NEMP1: variants seen among roughly 807,000 people sequenced by gnomAD.
The protein encoded by NEMP1 is nuclear envelope integral membrane protein 1.
A neutral mutation model predicts 53.7 loss-of-function variants in NEMP1; 29 were observed. That is an observed-to-expected ratio of 0.54 (90% CI 0.40 to 0.74). The LOEUF (loss-of-function observed/expected upper bound fraction) is 0.74. Ranked by LOEUF, NEMP1 falls within the 30% of genes least tolerant of loss-of-function variation. The pLI, the probability that NEMP1 is intolerant of heterozygous loss-of-function variation, is 0.00. For missense variants in NEMP1, 477 were observed against 528.6 expected, an observed-to-expected ratio of 0.90 and a Z score of 0.96; for synonymous variants, 193 against 192.9, an observed-to-expected ratio of 1.00 and a Z score of 0.00.
At chr12:57,067,516 G>C (rs2032148121) in intron 4 of NEMP1, among the ~76,000 whole-genome samples, 1 of 152,134 alleles carries the variant, frequency 6.6e-6, no homozygotes, top group Non-Finnish European at 1.5e-5. Flanking sequence ...ATGCTGTTGG[G>C]AAAACGGTGT....
intron 1 of NEMP1, among the ~76,000 whole-genome samples, chr12:57,073,161 AT>A (rs1202743038): frequency 0.035 from 4,920 of 142,166 alleles, 81 homozygotes; most frequent in Middle Eastern, 0.088. Context: ...TTAAGTATCT[AT>A]TTTTTTTTTT....
chr12:57,086,955 G>C (rs1160779711), intron 1 of NEMP1, among the ~76,000 whole-genome samples: 1 of 152,176 alleles, frequency 6.6e-6, no homozygotes, highest in Non-Finnish European at 1.5e-5. Flanking sequence ...CGAATCTCAC[G>C]ACAATCTTGA....
intron 6 of NEMP1, among the ~76,000 whole-genome samples, chr12:57,063,669 G>A (rs978633176): frequency 1.3e-5 from 2 of 152,058 alleles, no homozygotes; most frequent in Non-Finnish European, 2.9e-5. Flanking sequence ...ATATGACCAA[G>A]GATTTTTACT....
rs537704827 is a variant in NEMP1, at chr12:57,056,003, T to C, written c.*3876A>G. The C allele has an allele frequency of 4.6e-5, 7 of 152,344 alleles. No homozygotes were observed. In the South Asian group the frequency reaches 1.4e-3, roughly 32 times the overall value. 9.4% of individuals were successfully genotyped at this position (152,344 alleles called of 1,614,324 possible). A position where few individuals can be genotyped will look rare whatever the true frequency, so the allele number is the denominator to read the frequency against. On this transcript the variant is annotated 3_prime_UTR_variant, in exon 9 of 9. Transcript: ENST00000300128. ...TTGTCATAAGAATGTGCTCATGCTATAGGCAAATTCAGAGGTGATTTCACC... is the reference window on the plus strand; with the variant it reads ...TTGTCATAAGAATGTGCTCATGCTACAGGCAAATTCAGAGGTGATTTCACC...
chr12:57,078,490 T>A, intron 1 of NEMP1, 129 bp downstream of exon 1: 3 of 1,313,822 alleles, frequency 2.3e-6, no homozygotes, highest in Non-Finnish European at 3.1e-6. Flanking sequence ...TCCACCACAC[T>A]ACGCCGGCGG....
intron 1 of NEMP1, among the ~76,000 whole-genome samples, chr12:57,077,380 C>A (rs1281467467): frequency 6.6e-6 from 1 of 150,866 alleles, no homozygotes; most frequent in East Asian, 2.0e-4. Context: ...CAAGTGTAAT[C>A]CCAGCTACTC....
intron 4 of NEMP1, 117 bp from the exon 5 acceptor site, chr12:57,064,856 C>T (rs144970894): frequency 5.8e-6 from 4 of 683,950 alleles, no homozygotes; most frequent in East Asian, 2.7e-5. Flanking sequence ...TAGAGCAGTA[C>T]AAGCATCAGA....
intron 7 of NEMP1, 122 bp from the exon 8 acceptor site, chr12:57,061,067 C>G: frequency 1.1e-6 from 1 of 944,712 alleles, no homozygotes. Flanking sequence ...GTCATCACTC[C>G]TAAAAATTCC....
At position 57,078,672 on chromosome 12, in the gene NEMP1, C is replaced by T. The variant is rs544200706; in HGVS notation, c.74G>A (p.Gly25Asp). Residue 25 changes from glycine to aspartate, a missense_variant, in exon 1 of 9, where the codon GGT (glycine) becomes GAT (aspartate). Coordinates refer to ENST00000300128, the MANE Select transcript of NEMP1 (RefSeq NM_001130963.2). The stretch of plus-strand genomic sequence containing the variant: ...GATCAAGAGTAGCCGCACTGTCCCA[C>T]CGCCCCCGACTCCCGAGCCCCAGGG... ...PGPWGSGVGG[G>D]GTVRLLLILS... is the part of the protein sequence containing the mutation. 14 of 1,613,314 alleles carry T rather than the reference C, an allele frequency of 8.7e-6. No individual in the cohort carries two copies. The highest frequency in any genetic ancestry group is 1.2e-5 in the Non-Finnish European group (14 of 1,179,676).
chr12:57,087,209 G>C (rs1473256839), intron 1 of NEMP1, among the ~76,000 whole-genome samples: 1 of 152,236 alleles, frequency 6.6e-6, no homozygotes, highest in African/African-American at 2.4e-5. Flanking sequence ...GCGCCCAGTA[G>C]GTTGCCGCTC....
Position 57,058,675 on chromosome 12 carries a change from C to G in NEMP1, c.*1204G>C, listed in dbSNP as rs2031648280. ...TGACAGCTGAATGAGCACCCAGAGG[C>G]ATGAAGATAACCTGGAGCCTATTTC... On this transcript the variant is annotated 3_prime_UTR_variant, in exon 9 of 9. Transcript: ENST00000300128. 1 of 152,212 alleles carries G rather than the reference C, an allele frequency of 6.6e-6. No homozygotes were observed. Among genetic ancestry groups the G allele is most frequent in the Non-Finnish European group, 1.5e-5 (1 of 68,044 alleles). 9.4% of individuals were successfully genotyped at this position (152,212 alleles called of 1,614,324 possible).
At chr12:57,075,034 A>G (rs185936727) in intron 1 of NEMP1, among the ~76,000 whole-genome samples, 160 of 151,860 alleles carry the variant, frequency 1.1e-3, no homozygotes, top group African/African-American at 3.3e-3. Flanking sequence ...GACTGCAGTG[A>G]GCCGAGATCG....
At chr12:57,087,187 C>G (rs1344557135) in intron 1 of NEMP1, among the ~76,000 whole-genome samples, 1 of 152,232 alleles carries the variant, frequency 6.6e-6, no homozygotes, top group African/African-American at 2.4e-5. Flanking sequence ...AGGACCGGGA[C>G]CCGGGCGCCC....
At chr12:57,074,435 G>T (rs1239270011) in intron 1 of NEMP1, among the ~76,000 whole-genome samples, 1 of 151,996 alleles carries the variant, frequency 6.6e-6, no homozygotes, top group African/African-American at 2.4e-5. Flanking sequence ...GGCATTACAG[G>T]CATGAGCCAA....
At chr12:57,063,423 T>C in intron 6 of NEMP1, 79 bp from the exon 7 acceptor site, 8 of 1,124,334 alleles carry the variant, frequency 7.1e-6, no homozygotes, top group Non-Finnish European at 1.1e-5. Context: ...CAGTAGTTAA[T>C]TTACTATATA....
chr12:57,088,225 G>A (rs546505323), upstream of NEMP1, among the ~76,000 whole-genome samples: 64 of 152,300 alleles, frequency 4.2e-4, no homozygotes, highest in African/African-American at 1.5e-3. Context: ...CCTACGCGCT[G>A]ACAAAAGCCG....
At chr12:57,063,380 T>C in intron 6 of NEMP1, 36 bp from the exon 7 acceptor site, 2 of 1,556,866 alleles carry the variant, frequency 1.3e-6, no homozygotes, top group Non-Finnish European at 1.8e-6. Context: ...TTCTTTTTCA[T>C]CTATACTTGG....
intron 1 of NEMP1, among the ~76,000 whole-genome samples, chr12:57,076,892 G>A (rs2032647889): frequency 6.8e-6 from 1 of 146,954 alleles, no homozygotes; most frequent in African/African-American, 2.5e-5. Flanking sequence ...GCTTGAAACA[G>A]GAACCGAGAT....
chr12:57,063,001 C>G lies in NEMP1; in HGVS notation c.980+118G>C, dbSNP rs191747911. 6.2e-5 allele frequency: 45 copies of G among 722,716 alleles called. No individual in the cohort carries two copies. The East Asian group carries it at 1.2e-3, about 19-fold the overall frequency. 44.8% of individuals were successfully genotyped at this position (722,716 alleles called of 1,614,324 possible). On this transcript the variant is annotated intron_variant, in intron 7 of 8. Coordinates refer to ENST00000300128, the MANE Select transcript of NEMP1 (RefSeq NM_001130963.2). Reference sequence around the variant, plus strand: ...TCGGGAAGGAACAAAAGTGGAAGTACAATACAATGACTTTTCATTAACAAA... The same window carrying G: ...TCGGGAAGGAACAAAAGTGGAAGTAGAATACAATGACTTTTCATTAACAAA...
Sources: allele counts gnomAD v4.1 joint callset (sites outside exome capture counted in the v4.1 genomes callset), GRCh38; gene constraint gnomAD v4.1.1; transcripts MANE v1.5; gene names NCBI Gene and HGNC (gene_info 2026-07-23, HGNC 2026-07-21).